Variants in CEP83 observed in about 807,000 individuals in gnomAD.
The protein encoded by CEP83 is centrosomal protein of 83 kDa.
In CEP83, 70 loss-of-function variants were observed where a neutral mutation model predicts 101.9. The ratio of observed to expected loss-of-function variants is 0.69; its 90% CI spans 0.57 to 0.84. The LOEUF (loss-of-function observed/expected upper bound fraction) is 0.84, where lower values mean the gene tolerates loss of function less well. CEP83 is among the 40% of genes least tolerant of loss of function. The pLI, the probability that CEP83 is intolerant of heterozygous loss-of-function variation, is 0.00. For missense variants in CEP83, 715 were observed against 787.2 expected (o/e 0.91, Z 1.10); for synonymous variants, 264 against 267.9 (o/e 0.99, Z 0.14).
chr12:94,343,240 G>C (rs2059770657), intron 11 of CEP83, among the ~76,000 whole-genome samples: 1 of 151,872 alleles, frequency 6.6e-6, no homozygotes, highest in Non-Finnish European at 1.5e-5. Context: ...CTGGGCATGT[G>C]ACATGTCCAG....
chr12:94,369,901 G>T, intron 9 of CEP83, 21 bp downstream of exon 9: 1 of 1,187,694 alleles, frequency 8.4e-7, no homozygotes. Flanking sequence ...AGCAGCAGCA[G>T]CAAGGGAAAT....
chr12:94,339,391 T>C (rs1426071626), intron 11 of CEP83, among the ~76,000 whole-genome samples: 1 of 152,226 alleles, frequency 6.6e-6, no homozygotes, highest in Non-Finnish European at 1.5e-5. Context: ...ATGGTGGAAA[T>C]ATTCTACAAT....
intron 14 of CEP83, among the ~76,000 whole-genome samples, chr12:94,326,571 C>T (rs191224690): frequency 3.1e-4 from 47 of 152,284 alleles, no homozygotes; most frequent in Non-Finnish European, 6.5e-4. Flanking sequence ...TATTGGAAAA[C>T]ACCCTAGAGT....
chr12:94,395,150 T>C (rs1174000390), intron 6 of CEP83, among the ~76,000 whole-genome samples: 3 of 151,636 alleles, frequency 2.0e-5, no homozygotes, highest in African/African-American at 2.4e-5. Context: ...TAAATTATGC[T>C]ACTATAAAGA....
At chr12:94,290,660 A>G in the CEP83 span, among the ~76,000 whole-genome samples, 1 of 152,244 alleles carries the variant, frequency 6.6e-6, no homozygotes, top group Non-Finnish European at 1.5e-5. Flanking sequence ...TGTAACCTGA[A>G]GGAGATTAGG....
chr12:94,373,420 T>C (rs2061390730), intron 8 of CEP83, among the ~76,000 whole-genome samples: 3 of 152,120 alleles, frequency 2.0e-5, no homozygotes, highest in Admixed American at 6.6e-5. Flanking sequence ...ACAGCATAAA[T>C]AAGCAAGAAA....
chr12:94,396,870 G>A (rs552442148), intron 6 of CEP83, among the ~76,000 whole-genome samples: 54 of 152,220 alleles, frequency 3.5e-4, no homozygotes, highest in African/African-American at 1.3e-3. Context: ...AGTTTAAATT[G>A]TAAAATTGGA....
At chr12:94,440,835 A>G (rs903439774) in intron 1 of CEP83, among the ~76,000 whole-genome samples, 2 of 152,260 alleles carry the variant, frequency 1.3e-5, no homozygotes, top group Non-Finnish European at 2.9e-5. Flanking sequence ...AAACAGGCAC[A>G]TAGATCAATG....
chr12:94,346,478 C>T (rs2059938443), intron 11 of CEP83, among the ~76,000 whole-genome samples: 1 of 151,480 alleles, frequency 6.6e-6, no homozygotes, highest in African/African-American at 2.4e-5. Context: ...CTTCAATAAC[C>T]TGGGAAACAT....
intron 2 of CEP83, chr12:94,423,881 T>C (rs2064979504): frequency 2.5e-6 from 4 of 1,612,100 alleles, no homozygotes; most frequent in Non-Finnish European, 3.4e-6. Context: ...GTAAGCTCCT[T>C]GCATAGCTGC....
intron 6 of CEP83, among the ~76,000 whole-genome samples, chr12:94,388,747 T>C (rs922014066): frequency 1.6e-4 from 25 of 152,238 alleles, no homozygotes; most frequent in African/African-American, 5.8e-4. Context: ...TTGAATACAA[T>C]TGCATTTTAA....
downstream of CEP83, among the ~76,000 whole-genome samples, chr12:94,301,939 G>GCTCCCTC (rs1968505717): frequency 6.6e-6 from 1 of 151,872 alleles, no homozygotes; most frequent in African/African-American, 2.4e-5. Flanking sequence ...AATGTCTGTC[G>GCTCCCTC]CTCCCTCCTC....
At chr12:94,355,311 G>A (rs1007990498) in intron 11 of CEP83, among the ~76,000 whole-genome samples, 4 of 152,172 alleles carry the variant, frequency 2.6e-5, no homozygotes, top group African/African-American at 7.2e-5. Flanking sequence ...GGCTAACACC[G>A]TGAAACCCCA....
chr12:94,319,287 G>A lies in CEP83; in HGVS notation c.1708-6270C>T, dbSNP rs1172844054. Among the ~76,000 whole-genome samples, 3 of 152,024 alleles carry A rather than the reference G, an allele frequency of 2.0e-5. No homozygotes were observed. In the East Asian group the frequency reaches 5.8e-4, roughly 29 times the overall value. The stretch of plus-strand genomic sequence containing the variant: ...TGTCATTTCTAATTGTGTTTATTTG[G>A]ATCTTCTCATTTTTCTTCATTAGGC... On this transcript the variant is annotated intron_variant, in intron 14 of 16. Transcript: ENST00000397809.
intron 15 of CEP83, among the ~76,000 whole-genome samples, chr12:94,310,620 CT>C (rs1969705504): frequency 6.6e-6 from 1 of 152,136 alleles, no homozygotes. Flanking sequence ...GTTTCACATC[CT>C]GTGAATACTA....
At chr12:94,350,598 T>C (rs1333879585) in intron 11 of CEP83, among the ~76,000 whole-genome samples, 2 of 151,682 alleles carry the variant, frequency 1.3e-5, no homozygotes, top group African/African-American at 2.4e-5. Context: ...ACGAAAGGCA[T>C]AGGGCAATAA....
chr12:94,297,150 T>TAA, the CEP83 span: 4 of 1,611,464 alleles, frequency 2.5e-6, no homozygotes, highest in Non-Finnish European at 3.4e-6. Context: ...TTGCTTTTTT[T>TAA]AATGGACTGC....
At chr12:94,399,174 C>T (rs1418524422) in intron 6 of CEP83, among the ~76,000 whole-genome samples, 1 of 152,158 alleles carries the variant, frequency 6.6e-6, no homozygotes, top group Admixed American at 6.5e-5. Flanking sequence ...TGTTCTTATG[C>T]CCCCTCCCCT....
At chr12:94,309,289 T>C (rs1969469645) in intron 16 of CEP83, among the ~76,000 whole-genome samples, 2 of 152,186 alleles carry the variant, frequency 1.3e-5, no homozygotes, top group African/African-American at 4.8e-5. Context: ...GTGATTAAAA[T>C]CTTCTGTGCT....
Sources: gnomAD v4.1 joint callset for allele counts (sites outside exome capture counted in the v4.1 genomes callset) on GRCh38, gnomAD v4.1.1 for gene constraint, MANE v1.5 for transcripts, NCBI Gene and HGNC (gene_info 2026-07-23, HGNC 2026-07-21) for gene names.